USP24: variants seen among roughly 807,000 people sequenced by gnomAD.
USP24 encodes ubiquitin specific peptidase 24, also known as ubiquitin carboxyl-terminal hydrolase 24.
A neutral mutation model predicts 361.6 loss-of-function variants in USP24; 97 were observed. That is an observed-to-expected ratio of 0.27 (90% CI 0.23 to 0.32). The LOEUF is 0.32. USP24 is among the 10% of genes least tolerant of loss of function. The pLI, the probability that USP24 is intolerant of heterozygous loss-of-function variation, is 1.00. For synonymous variants in USP24, 1,098 were observed against 1,124.6 expected, an observed-to-expected ratio of 0.98 and a Z score of 0.47; for missense variants, 2,353 against 3,165.6, an observed-to-expected ratio of 0.74 and a Z score of 6.16.
chr1:55,133,997 G>T, intron 30 of USP24, 73 bp downstream of exon 30: 1 of 1,287,674 alleles, frequency 7.8e-7, no homozygotes, highest in Non-Finnish European at 1.1e-6. Context: ...TGACCTTGAT[G>T]TGATTTCAGG....
chr1:55,110,268 G>A (rs777894214), intron 38 of USP24, 22 bp from the exon 39 acceptor site: 2 of 1,506,412 alleles, frequency 1.3e-6, no homozygotes, highest in South Asian at 1.3e-5. Context: ...AAAGGTTTCA[G>A]TTACTAATAA....
chr1:55,079,787 A>ACATACTGAGTACTCTCACAGAGTACT, intron 59 of USP24, 128 bp from the exon 60 acceptor site: 1 of 1,204,958 alleles, frequency 8.3e-7, no homozygotes, highest in Non-Finnish European at 1.1e-6. Context: ...CAGAGTACTC[A>ACATACTGAGTACTCTCACAGAGTACT]CACACTGAGT....
At chr1:55,166,966 A>T in intron 5 of USP24, among the ~76,000 whole-genome samples, 1 of 152,214 alleles carries the variant, frequency 6.6e-6, no homozygotes, top group Non-Finnish European at 1.5e-5. Flanking sequence ...GTAAATCAGC[A>T]GAGATTAAAA....
intron 1 of USP24, among the ~76,000 whole-genome samples, chr1:55,212,861 T>C (rs553909271): frequency 1.3e-5 from 2 of 152,282 alleles, no homozygotes; most frequent in Non-Finnish European, 2.9e-5. Context: ...TTCGAAAAGA[T>C]GGAGATTTTA....
intron 38 of USP24, 67 bp downstream of exon 38, chr1:55,120,529 A>G: frequency 1.4e-6 from 2 of 1,448,454 alleles, no homozygotes; most frequent in South Asian, 1.5e-5. Flanking sequence ...ACTTCAGGGG[A>G]GCAGCACACA....
chr1:55,144,898 C>T (rs950961397), intron 20 of USP24, among the ~76,000 whole-genome samples: 2 of 152,186 alleles, frequency 1.3e-5, no homozygotes, highest in African/African-American at 4.8e-5. Flanking sequence ...GGTGCCACTG[C>T]ACTCCAGCCT....
At position 55,096,536 on chromosome 1, in the gene USP24, C is replaced by A. The variant is rs1375989000; in HGVS notation, c.6023G>T (p.Cys2008Phe). ...DLNDETLEYE[C>F]FGGEYRPKVY... ...TTTTGGTCTATATTCTCCTCCAAAG[C>A]ATTCATACTCCAGGGTCTCGTCATT... Residue 2008 changes from cysteine (C) to phenylalanine (F), a missense_variant, in exon 50 of 68, where the codon TGC becomes TTC. Cys to Phe is a radical substitution (Grantham distance 205, BLOSUM62 -2). Transcript: ENST00000294383. 1.2e-6 allele frequency: 2 copies of A among 1,612,140 alleles called. No individual in the cohort carries two copies. Among genetic ancestry groups the A allele is most frequent in the Non-Finnish European group, 1.7e-6 (2 of 1,179,184 alleles).
At chr1:55,209,486 CCTT>C (rs1368770194) in intron 1 of USP24, among the ~76,000 whole-genome samples, 1 of 152,158 alleles carries the variant, frequency 6.6e-6, no homozygotes, top group Non-Finnish European at 1.5e-5. Flanking sequence ...CCTGTTCCCT[CCTT>C]GACCACTAAG....
intron 56 of USP24, among the ~76,000 whole-genome samples, chr1:55,085,248 C>G (rs541210603): frequency 1.1e-4 from 16 of 152,252 alleles, no homozygotes; most frequent in Admixed American, 3.3e-4. Flanking sequence ...GCTTGGGTGG[C>G]AGGCACTGTA....
At chr1:55,136,450 T>C (rs368134569) in intron 28 of USP24, among the ~76,000 whole-genome samples, 1 of 152,138 alleles carries the variant, frequency 6.6e-6, no homozygotes, top group East Asian at 1.9e-4. Flanking sequence ...ATCTGACTTA[T>C]GTTTAGTAAG....
chr1:55,072,801 C>A lies in USP24; in HGVS notation c.7587G>T (p.Gln2529His). 1.9e-6 allele frequency: 3 copies of A among 1,604,818 alleles called. No homozygotes were observed. The highest frequency in any genetic ancestry group is 2.6e-6 in the Non-Finnish European group (3 of 1,175,516). The change falls in exon 65 of 68, where the codon CAG (glutamine) becomes CAT (histidine). Residue 2529 changes from glutamine to histidine, a missense_variant. Gln to His is a conservative substitution (Grantham distance 24). Transcript: ENST00000294383. Reference protein sequence around the residue: ...ENSHHWSWAVQWLQKKMSEHY... With the variant: ...ENSHHWSWAVHWLQKKMSEHY... Reference sequence around the variant, plus strand: ...GTTCAGTTACCTTCTTCTGTAGCCACTGCACAGCCCAGCTCCAGTGGTGGG... The same window carrying A: ...GTTCAGTTACCTTCTTCTGTAGCCAATGCACAGCCCAGCTCCAGTGGTGGG...
Position 55,103,934 on chromosome 1 carries a change from A to T in USP24, c.4967T>A (p.Ile1656Lys). ...DSSPSNLQII[I>K]KELLSMHHQP... ...GTGATGCATAGAAAGCAGTTCTTTT[A>T]TAATAATTTGAAGATTTGAAGGTGA... The change falls in exon 42 of 68, where the codon ATA (isoleucine) becomes AAA (lysine). Residue 1656 changes from isoleucine to lysine, a missense_variant. Ile to Lys is a moderately radical substitution (Grantham distance 102, BLOSUM62 -3). This residue lies in a region of USP24 where 949 missense variants were observed against 1,280.5 expected (regional missense o/e 0.74). Transcript: ENST00000294383. 6.2e-7 allele frequency: 1 copy of T among 1,612,524 alleles called. No homozygotes were observed. The highest frequency in any genetic ancestry group is 8.5e-7 in the Non-Finnish European group (1 of 1,179,250).
intron 34 of USP24, 63 bp from the exon 35 acceptor site, chr1:55,124,691 A>G (rs1646376481): frequency 6.4e-7 from 1 of 1,564,656 alleles, no homozygotes; most frequent in Admixed American, 1.7e-5. Flanking sequence ...TGACATGTAC[A>G]ACCTTCTTAC....
chr1:55,106,351 A>G, intron 40 of USP24, 88 bp from the exon 41 acceptor site: 1 of 1,050,296 alleles, frequency 9.5e-7, no homozygotes, highest in East Asian at 2.5e-5. Flanking sequence ...AGAGCAGCAA[A>G]GGTACCCAAT....
chr1:55,120,040 A>G (rs1646234456), intron 38 of USP24, among the ~76,000 whole-genome samples: 1 of 152,166 alleles, frequency 6.6e-6, no homozygotes, highest in South Asian at 2.1e-4. Flanking sequence ...TATGAACTTG[A>G]GGTCAATGTG....
At chr1:55,194,441 G>A (rs1569732152) in intron 1 of USP24, among the ~76,000 whole-genome samples, 1 of 152,106 alleles carries the variant, frequency 6.6e-6, no homozygotes, top group South Asian at 2.1e-4. Flanking sequence ...AGCAACATAA[G>A]AAATAGAAGC....
chr1:55,085,973 G>C lies in USP24; in HGVS notation c.6734C>G (p.Thr2245Ser). Residue 2245 changes from threonine to serine, a missense_variant, in exon 56 of 68, where the codon ACC becomes AGC. Thr to Ser is a moderately conservative substitution (Grantham distance 58). Transcript: ENST00000294383. ...RVAVATILEK[T>S]LDSALFYQDK... ...CTGATAAAACAAGGCACTGTCTAGG[G>C]TTTTCTCCAGAATGGTGGCCACAGC... The C allele has an allele frequency of 6.2e-7, 1 of 1,613,914 alleles. No homozygotes were observed. The highest frequency in any genetic ancestry group is 8.5e-7 in the Non-Finnish European group (1 of 1,179,842).
At chr1:55,148,930 A>T (rs796480280) in intron 16 of USP24, among the ~76,000 whole-genome samples, 16 of 152,344 alleles carry the variant, frequency 1.1e-4, no homozygotes, top group African/African-American at 3.8e-4. Context: ...GCCAAAGCTT[A>T]ACTTGGATAA....
At chr1:55,156,690 T>C (rs923079810) in intron 12 of USP24, among the ~76,000 whole-genome samples, 3 of 152,176 alleles carry the variant, frequency 2.0e-5, no homozygotes, top group African/African-American at 7.2e-5. Flanking sequence ...GCTCTGCCAC[T>C]AACTGCTATA....
Sources: allele counts gnomAD v4.1 joint callset (sites outside exome capture counted in the v4.1 genomes callset), GRCh38; gene constraint gnomAD v4.1.1; regional missense constraint gnomAD v4.1.1; transcripts MANE v1.5; gene names NCBI Gene and HGNC (gene_info 2026-07-23, HGNC 2026-07-21).